Variants in YAP1 observed in about 807,000 individuals in gnomAD.
YAP1 encodes the protein Yes1 associated transcriptional regulator, also known as transcriptional coactivator YAP1.
A neutral mutation model predicts 56.9 loss-of-function variants in YAP1; 5 were observed. That is an observed-to-expected ratio of 0.09 (90% confidence interval 0.05 to 0.18). The LOEUF (loss-of-function observed/expected upper bound fraction) is 0.18, where lower values mean the gene tolerates loss of function less well. YAP1 is among the 10% of genes least tolerant of loss of function. The pLI is 1.00. For synonymous variants in YAP1, 265 were observed against 248.1 expected (o/e 1.07, Z -0.64); for missense variants, 539 against 651.8 (o/e 0.83, Z 1.88).
rs147258938 is a variant in YAP1 at position 102,218,520 on chromosome 11, C to T, written c.1033-5102C>T. The stretch of plus-strand genomic sequence containing the variant: ...TTTCGATCCATACTTGGTTGCCTTA[C>T]GGATATGAAAGGCTAACTATATTTG... On this transcript the variant is annotated intron_variant, in intron 6 of 8. Coordinates refer to ENST00000282441, the MANE Select transcript of YAP1 (RefSeq NM_001130145.3). Among the ~76,000 whole-genome samples the T allele has an allele frequency of 4.1e-3, 626 of 152,282 alleles. 2 individuals are homozygous for T. The highest frequency in any genetic ancestry group is 6.7e-3 in the Non-Finnish European group (457 of 68,020).
At chr11:102,199,433 A>G (rs1450029550) in intron 4 of YAP1, among the ~76,000 whole-genome samples, 1 of 152,198 alleles carries the variant, frequency 6.6e-6, no homozygotes, top group African/African-American at 2.4e-5. Context: ...CTTTTTTCGT[A>G]TCCATTGCCC....
intron 2 of YAP1, among the ~76,000 whole-genome samples, chr11:102,115,024 A>T (rs989159922): frequency 6.6e-6 from 1 of 151,264 alleles, no homozygotes; most frequent in Non-Finnish European, 1.5e-5. Context: ...CACAACAGAA[A>T]CCCTCCTCTC....
chr11:102,212,901 T>A (rs1035763250), intron 6 of YAP1, among the ~76,000 whole-genome samples: 5 of 152,194 alleles, frequency 3.3e-5, no homozygotes, highest in African/African-American at 1.2e-4. Context: ...ACATTTTAAT[T>A]TCATTTTGGT....
At chr11:102,220,379 G>A (rs1949867720) in intron 6 of YAP1, among the ~76,000 whole-genome samples, 1 of 152,144 alleles carries the variant, frequency 6.6e-6, no homozygotes, top group South Asian at 2.1e-4. Flanking sequence ...CCTTTAATTT[G>A]TAATGATAAC....
At chr11:102,224,899 C>T (rs913697806) in intron 7 of YAP1, among the ~76,000 whole-genome samples, 1 of 152,150 alleles carries the variant, frequency 6.6e-6, no homozygotes, top group African/African-American at 2.4e-5. Context: ...CATGTAATTC[C>T]AGTACCTGTC....
intron 3 of YAP1, among the ~76,000 whole-genome samples, chr11:102,167,318 G>A (rs994679772): frequency 2.0e-5 from 3 of 152,118 alleles, no homozygotes; most frequent in Non-Finnish European, 4.4e-5. Flanking sequence ...AAAAATAAGA[G>A]GAAATGGAAT....
chr11:102,195,530 T>C (rs1824369086), intron 4 of YAP1, among the ~76,000 whole-genome samples: 1 of 152,092 alleles, frequency 6.6e-6, no homozygotes, highest in African/African-American at 2.4e-5. Flanking sequence ...TATCCCCACA[T>C]GTTGTGGGAG....
At chr11:102,170,601 T>A (rs928106802) in intron 3 of YAP1, among the ~76,000 whole-genome samples, 1 of 152,176 alleles carries the variant, frequency 6.6e-6, no homozygotes, top group African/African-American at 2.4e-5. Context: ...TCAAATATTT[T>A]AAAAAATTTA....
intron 4 of YAP1, among the ~76,000 whole-genome samples, chr11:102,198,599 A>G (rs976852074): frequency 6.6e-5 from 10 of 152,180 alleles, no homozygotes; most frequent in African/African-American, 2.4e-4. Flanking sequence ...TCCTCAGCTT[A>G]CTAATGGGCT....
chr11:102,191,777 G>A (rs1295010237), intron 4 of YAP1, among the ~76,000 whole-genome samples: 1 of 151,948 alleles, frequency 6.6e-6, no homozygotes, highest in Non-Finnish European at 1.5e-5. Flanking sequence ...TAATTCCTGG[G>A]CTCATACAAG....
chr11:102,135,158 T>C (rs1944602311), intron 2 of YAP1, among the ~76,000 whole-genome samples: 1 of 152,208 alleles, frequency 6.6e-6, no homozygotes, highest in South Asian at 2.1e-4. Flanking sequence ...CTGACCATAA[T>C]TTTTAATTTT....
intron 2 of YAP1, among the ~76,000 whole-genome samples, chr11:102,127,018 A>G (rs1944072426): frequency 6.6e-6 from 1 of 152,216 alleles, no homozygotes; most frequent in Non-Finnish European, 1.5e-5. Flanking sequence ...TGGCCAAAGA[A>G]ATTTCTAAGC....
At chr11:102,185,810 A>G (rs1947915095) in intron 3 of YAP1, among the ~76,000 whole-genome samples, 2 of 152,148 alleles carry the variant, frequency 1.3e-5, no homozygotes, top group South Asian at 4.1e-4. Flanking sequence ...GTTGAGGAAT[A>G]TTCATTTTAT....
At chr11:102,126,682 G>A (rs755076176) in intron 2 of YAP1, among the ~76,000 whole-genome samples, 6 of 152,202 alleles carry the variant, frequency 3.9e-5, no homozygotes, top group Non-Finnish European at 7.3e-5. Flanking sequence ...CCAGTAAAGT[G>A]GGGCGTTGCT....
intron 2 of YAP1, among the ~76,000 whole-genome samples, chr11:102,123,494 G>A (rs2135178097): frequency 6.6e-6 from 1 of 152,092 alleles, no homozygotes; most frequent in Non-Finnish European, 1.5e-5. Context: ...AGAAGAAAGG[G>A]GTACATGGGA....
At chr11:102,193,268 A>G (rs754927195) in intron 4 of YAP1, among the ~76,000 whole-genome samples, 1 of 152,152 alleles carries the variant, frequency 6.6e-6, no homozygotes, top group African/African-American at 2.4e-5. Flanking sequence ...ATTTTAATAC[A>G]TAAGATTATA....
intron 4 of YAP1, among the ~76,000 whole-genome samples, chr11:102,195,477 G>T (rs1271627601): frequency 6.6e-6 from 1 of 152,114 alleles, no homozygotes; most frequent in East Asian, 1.9e-4. Context: ...AAAAGGTTTG[G>T]CTGTGTCCCC....
At chr11:102,185,671 TGATTG>T (rs1947908031) in intron 3 of YAP1, among the ~76,000 whole-genome samples, 1 of 152,232 alleles carries the variant, frequency 6.6e-6, no homozygotes, top group African/African-American at 2.4e-5. Flanking sequence ...GTCACAAAAC[TGATTG>T]GATTGGGTGG....
chr11:102,139,684 C>A (rs1478739023), intron 2 of YAP1, among the ~76,000 whole-genome samples: 2 of 152,084 alleles, frequency 1.3e-5, no homozygotes, highest in African/African-American at 4.8e-5. Flanking sequence ...TCATAAAATG[C>A]AGATTTTATG....
Sources: allele counts gnomAD v4.1 joint callset (sites outside exome capture counted in the v4.1 genomes callset), GRCh38; gene constraint gnomAD v4.1.1; transcripts MANE v1.5; gene names NCBI Gene and HGNC (gene_info 2026-07-23, HGNC 2026-07-21).